ARHGAP18: variants seen among roughly 807,000 people sequenced by gnomAD.
ARHGAP18 encodes the protein rho GTPase-activating protein 18.
A neutral mutation model predicts 86.2 loss-of-function variants in ARHGAP18; 67 were observed. The ratio of observed to expected loss-of-function variants is 0.78; its 90% confidence interval spans 0.64 to 0.95. The LOEUF is 0.95. Ranked by LOEUF, ARHGAP18 falls within the 40% of genes least tolerant of loss-of-function variation. ARHGAP18 has a pLI of 0.00. For synonymous variants in ARHGAP18, 283 were observed against 280.4 expected (o/e 1.01, Z -0.09); for missense variants, 691 against 780.4 (o/e 0.89, Z 1.37).
At chr6:129,625,042 TA>T (rs1789323159) in intron 5 of ARHGAP18, among the ~76,000 whole-genome samples, 10 of 86,716 alleles carry the variant, frequency 1.2e-4, no homozygotes, top group East Asian at 5.1e-4. Flanking sequence ...TATATTTATA[TA>T]ATATATATGA....
chr6:129,646,110 T>C (rs1773572902), intron 1 of ARHGAP18, among the ~76,000 whole-genome samples: 1 of 152,208 alleles, frequency 6.6e-6, no homozygotes, highest in Non-Finnish European at 1.5e-5. Context: ...AGAAGATTGA[T>C]GATTTATTCT....
intron 1 of ARHGAP18, among the ~76,000 whole-genome samples, chr6:129,709,112 G>T (rs1440556664): frequency 6.6e-6 from 1 of 152,092 alleles, no homozygotes. Context: ...AACAAAGAAG[G>T]TTTTATTATC....
chr6:129,694,152 C>A (rs1774573264), intron 1 of ARHGAP18, among the ~76,000 whole-genome samples: 1 of 152,154 alleles, frequency 6.6e-6, no homozygotes, highest in Non-Finnish European at 1.5e-5. Flanking sequence ...ACACAAACTA[C>A]CAGACAGGCA....
chr6:129,604,202 T>TC lies in ARHGAP18; in HGVS notation c.1365+1674dup, dbSNP rs58339587. On this transcript the variant is annotated intron_variant, in intron 10 of 14. Coordinates refer to ENST00000368149, the MANE Select transcript of ARHGAP18 (RefSeq NM_033515.3). ...TCCAGTTTTTTACCAAAAATAGTAC[T>TC]CCCCCCCCCCTTAATTATAAAATTA... Among the ~76,000 whole-genome samples the TC allele has an allele frequency of 2.2e-3, 327 of 146,706 alleles. 1 individual carries two copies. Among genetic ancestry groups the TC allele is most frequent in the South Asian group, 0.013 (59 of 4,484 alleles).
rs768295028 is a variant in ARHGAP18 at position 129,578,190 on chromosome 6, A to G, written c.*323T>C. On this transcript the variant is annotated 3_prime_UTR_variant, in exon 15 of 15. Transcript: ENST00000368149. ...ATGATTTTAGGAGAAAAGAATGGGA[A>G]GAGAAGACATTTCCACATATTAAAA... 1.9e-5 allele frequency: 3 copies of G among 154,334 alleles called. No homozygotes were observed. Among genetic ancestry groups the G allele is most frequent in the Non-Finnish European group, 4.3e-5 (3 of 69,594 alleles). The allele number at this position is 154,334 out of a possible 1,614,324, so 9.6% of individuals were successfully genotyped here. A position where few individuals can be genotyped will look rare whatever the true frequency, so the allele number is the denominator to read the frequency against.
At chr6:129,607,841 T>C (rs1407042072) in intron 9 of ARHGAP18, 52 bp downstream of exon 9, 1 of 1,500,786 alleles carries the variant, frequency 6.7e-7, no homozygotes, top group Admixed American at 2.3e-5. Flanking sequence ...TTAAAACAAT[T>C]AACATAGATG....
intron 7 of ARHGAP18, among the ~76,000 whole-genome samples, chr6:129,612,089 C>G (rs1392126756): frequency 6.6e-6 from 1 of 152,130 alleles, no homozygotes; most frequent in African/African-American, 2.4e-5. Context: ...TGGTGTTAAA[C>G]AAAGAAAAAT....
chr6:129,666,219 G>T (rs1168039979), intron 1 of ARHGAP18, among the ~76,000 whole-genome samples: 2 of 152,148 alleles, frequency 1.3e-5, no homozygotes, highest in Non-Finnish European at 2.9e-5. Flanking sequence ...AATTGACACT[G>T]CCCTCTTTTT....
intron 1 of ARHGAP18, among the ~76,000 whole-genome samples, chr6:129,685,986 C>T (rs1030133041): frequency 6.6e-6 from 1 of 152,092 alleles, no homozygotes; most frequent in South Asian, 2.1e-4. Context: ...CTTCTTCAGC[C>T]CTTACATTGC....
chr6:129,698,169 G>C (rs1774650271), intron 1 of ARHGAP18, among the ~76,000 whole-genome samples: 1 of 152,114 alleles, frequency 6.6e-6, no homozygotes, highest in South Asian at 2.1e-4. Flanking sequence ...AACTCCTTCA[G>C]AGCAGGAATT....
At chr6:129,612,599 T>C in intron 7 of ARHGAP18, among the ~76,000 whole-genome samples, 1 of 152,198 alleles carries the variant, frequency 6.6e-6, no homozygotes, top group East Asian at 1.9e-4. Flanking sequence ...CCTCCTTTAA[T>C]GATTAAACAA....
chr6:129,600,793 G>A lies in ARHGAP18; in HGVS notation c.1421C>T (p.Thr474Ile). Residue 474 changes from threonine (T) to isoleucine (I), a missense_variant, in exon 11 of 15, where the codon ACA (threonine) becomes ATA (isoleucine). Physicochemically the swap from Thr to Ile is moderately conservative, Grantham distance 89. Transcript: ENST00000368149. ...VIDNKEKNKM[T>I]VMNVAMVMAP... Reference sequence around the variant, plus strand: ...CATGACCATTGCTACATTCATGACTGTCATTTTATTTTTTTCTTTATTATC... The same window carrying A: ...CATGACCATTGCTACATTCATGACTATCATTTTATTTTTTTCTTTATTATC... 6.2e-7 allele frequency: 1 copy of A among 1,613,398 alleles called. No homozygotes were observed. Among genetic ancestry groups the A allele is most frequent in the Non-Finnish European group, 8.5e-7 (1 of 1,179,710 alleles).
At position 129,671,967 on chromosome 6, in the gene ARHGAP18, A is replaced by G. The variant is rs542772772; in HGVS notation, c.114-29949T>C. Among the ~76,000 whole-genome samples the G allele has an allele frequency of 1.4e-4, 22 of 152,212 alleles. No homozygotes were observed. The South Asian group carries it at 4.6e-3, about 32-fold the overall frequency. ...GAGAAGTACTGATCTAGTTCACCCC[A>G]TTTTGCCTCTGAGAACACAGAAGTT... is the stretch of plus-strand genomic sequence containing the variant. On this transcript the variant is annotated intron_variant, in intron 1 of 14. Transcript: ENST00000368149.
At chr6:129,636,642 T>G (rs1048913468) in intron 3 of ARHGAP18, among the ~76,000 whole-genome samples, 2 of 152,232 alleles carry the variant, frequency 1.3e-5, no homozygotes, top group African/African-American at 2.4e-5. Context: ...TTTGGGAGGC[T>G]GAGGCAAGCA....
At chr6:129,642,757 G>A (rs997716342) in intron 1 of ARHGAP18, among the ~76,000 whole-genome samples, 4 of 152,004 alleles carry the variant, frequency 2.6e-5, no homozygotes, top group South Asian at 2.1e-4. Flanking sequence ...ATCTTCAACC[G>A]ATGAAGCACT....
intron 10 of ARHGAP18, among the ~76,000 whole-genome samples, chr6:129,602,500 A>C (rs1449683287): frequency 2.0e-5 from 3 of 152,080 alleles, no homozygotes; most frequent in Admixed American, 6.6e-5. Context: ...TTCTGGAAAA[A>C]AAAATTCCTG....
rs770726081 is a variant in ARHGAP18, at chr6:129,638,390, C to G, written c.552+4G>C. 6.8e-6 allele frequency: 11 copies of G among 1,610,918 alleles called. No individual in the cohort carries two copies. The highest frequency in any genetic ancestry group is 5.5e-5 in the South Asian group (5 of 90,730). On this transcript the variant is annotated splice_donor_region_variant and intron_variant, in intron 3 of 14. Transcript: ENST00000368149. The stretch of plus-strand genomic sequence containing the variant: ...TTGCCTTAACATCAAAAAAGAAAAC[C>G]TACTGTTTCTTTTGATTCTCTCTGT...
chr6:129,702,458 A>C (rs1774730660), intron 1 of ARHGAP18, among the ~76,000 whole-genome samples: 1 of 152,198 alleles, frequency 6.6e-6, no homozygotes, highest in Admixed American at 6.5e-5. Context: ...TGAATAAAAC[A>C]TTTAGAACAA....
At chr6:129,663,026 T>C (rs1773981937) in intron 1 of ARHGAP18, among the ~76,000 whole-genome samples, 1 of 152,208 alleles carries the variant, frequency 6.6e-6, no homozygotes, top group Non-Finnish European at 1.5e-5. Context: ...CAGTTGTCAT[T>C]ATAACCCCCC....
Sources: gnomAD v4.1 joint callset for allele counts (sites outside exome capture counted in the v4.1 genomes callset) on GRCh38, gnomAD v4.1.1 for gene constraint, MANE v1.5 for transcripts, NCBI Gene and HGNC (gene_info 2026-07-23, HGNC 2026-07-21) for gene names.